Variants in UGGT2 observed in about 807,000 individuals in gnomAD.
UGGT2 encodes UDP-glucose glycoprotein glucosyltransferase 2, also known as UDP-glucose:glycoprotein glucosyltransferase 2.
A neutral mutation model predicts 192.1 loss-of-function variants in UGGT2; 180 were observed. That is an observed-to-expected ratio of 0.94 (90% CI 0.83 to 1.06). The LOEUF is 1.06. Ranked by LOEUF, UGGT2 falls within the 50% of genes least tolerant of loss-of-function variation. The pLI, the probability that UGGT2 is intolerant of heterozygous loss-of-function variation, is 0.00. For missense variants in UGGT2, 1,849 were observed against 1,795.7 expected (o/e 1.03, Z -0.54); for synonymous variants, 580 against 591.0 (o/e 0.98, Z 0.27).
intron 1 of UGGT2, among the ~76,000 whole-genome samples, chr13:96,052,172 C>A (rs978847091): frequency 3.2e-4 from 48 of 152,254 alleles, no homozygotes; most frequent in African/African-American, 1.1e-3. Context: ...TCACAGCAAC[C>A]TGGATGAGAT....
At chr13:95,933,078 T>A (rs1479491778) in intron 17 of UGGT2, among the ~76,000 whole-genome samples, 1 of 152,216 alleles carries the variant, frequency 6.6e-6, no homozygotes, top group Non-Finnish European at 1.5e-5. Flanking sequence ...GGTATCAGGA[T>A]AACACAGGTT....
intron 26 of UGGT2, among the ~76,000 whole-genome samples, chr13:95,885,082 T>G (rs1024801079): frequency 6.6e-6 from 1 of 152,166 alleles, no homozygotes; most frequent in Non-Finnish European, 1.5e-5. Flanking sequence ...AGAGAAATGG[T>G]AGGAAACAAA....
At chr13:95,963,303 T>A (rs2050461710) in intron 12 of UGGT2, among the ~76,000 whole-genome samples, 1 of 151,896 alleles carries the variant, frequency 6.6e-6, no homozygotes, top group South Asian at 2.1e-4. Context: ...AAAAAAACCA[T>A]ATCCTCTTAA....
intron 36 of UGGT2, among the ~76,000 whole-genome samples, chr13:95,838,004 G>T (rs1445111912): frequency 6.6e-6 from 1 of 152,050 alleles, no homozygotes; most frequent in East Asian, 1.9e-4. Context: ...AGATTGGGAA[G>T]GGAAAAAAAC....
chr13:95,805,630 CA>C (rs1884265623), intron 38 of UGGT2, among the ~76,000 whole-genome samples: 1 of 152,096 alleles, frequency 6.6e-6, no homozygotes, highest in South Asian at 2.1e-4. Flanking sequence ...TCACATGTTA[CA>C]ACATGAATAA....
At chr13:95,862,988 G>A (rs1295661529) in intron 31 of UGGT2, among the ~76,000 whole-genome samples, 1 of 151,960 alleles carries the variant, frequency 6.6e-6, no homozygotes. Context: ...TCAGTCTTCT[G>A]AGTAACTGGA....
chr13:95,930,165 A>G (rs1006667473), intron 17 of UGGT2, among the ~76,000 whole-genome samples: 1 of 151,984 alleles, frequency 6.6e-6, no homozygotes, highest in East Asian at 1.9e-4. Flanking sequence ...CTACTTATGG[A>G]TATTAGAATT....
At chr13:95,887,870 A>G in intron 26 of UGGT2, 22 bp downstream of exon 26, 1 of 1,474,786 alleles carries the variant, frequency 6.8e-7, no homozygotes, top group Non-Finnish European at 9.3e-7. Flanking sequence ...TTCAAAATGA[A>G]ATTTTGTTCA....
chr13:96,001,758 T>C (rs1043123567), intron 5 of UGGT2, among the ~76,000 whole-genome samples: 1 of 152,204 alleles, frequency 6.6e-6, no homozygotes, highest in Admixed American at 6.5e-5. Flanking sequence ...TATAGACAGT[T>C]ACTTATAGAT....
intron 5 of UGGT2, among the ~76,000 whole-genome samples, chr13:96,002,345 A>G (rs1408449710): frequency 6.6e-6 from 1 of 152,266 alleles, no homozygotes; most frequent in Non-Finnish European, 1.5e-5. Context: ...CTCTAGACCC[A>G]TGACTCTCTG....
rs552786879 is a variant in UGGT2, at chr13:95,950,135, T to C, written c.1336-681A>G. ...AAAGTGCTGAGATTTGAGGGCAGGATGCAGGGTGAGAGGGTAGGAGAGAAG... is the reference window on the plus strand; with the variant it reads ...AAAGTGCTGAGATTTGAGGGCAGGACGCAGGGTGAGAGGGTAGGAGAGAAG... On this transcript the variant is annotated intron_variant, in intron 12 of 38. Coordinates refer to ENST00000376747, the MANE Select transcript of UGGT2 (RefSeq NM_020121.4). Among the ~76,000 whole-genome samples the C allele has an allele frequency of 2.0e-5, 3 of 152,206 alleles. No homozygotes were observed. In the South Asian group the frequency reaches 6.2e-4, roughly 32 times the overall value.
rs1415828854 is a variant in UGGT2 at position 95,928,131 on chromosome 13, G to A, written c.1978-795C>T. Reference sequence around the variant, plus strand: ...CCCCACATTTCCCCCTTTTCTATTCGACAAAACCGCCATCGTCATCATGGC... The same window carrying A: ...CCCCACATTTCCCCCTTTTCTATTCAACAAAACCGCCATCGTCATCATGGC... On this transcript the variant is annotated intron_variant, in intron 17 of 38. Coordinates refer to ENST00000376747, the MANE Select transcript of UGGT2 (RefSeq NM_020121.4). Among the ~76,000 whole-genome samples the A allele has an allele frequency of 3.3e-5, 5 of 151,944 alleles. No homozygotes were observed. In the South Asian group the frequency reaches 6.2e-4, roughly 19 times the overall value.
intron 33 of UGGT2, among the ~76,000 whole-genome samples, chr13:95,857,847 C>A (rs578202337): frequency 1.3e-5 from 2 of 152,080 alleles, no homozygotes; most frequent in Admixed American, 6.6e-5. Context: ...TGAATAATAT[C>A]TTTTCCTGCT....
chr13:95,821,528 T>C (rs146474161), intron 38 of UGGT2, among the ~76,000 whole-genome samples: 32 of 152,260 alleles, frequency 2.1e-4, no homozygotes, highest in African/African-American at 7.2e-4. Context: ...ATTCTGTGGG[T>C]TGTAGGTTTA....
At chr13:95,847,429 T>G (rs1435195036) in intron 36 of UGGT2, among the ~76,000 whole-genome samples, 1 of 152,192 alleles carries the variant, frequency 6.6e-6, no homozygotes, top group East Asian at 1.9e-4. Context: ...GCCTAAAAAT[T>G]CTCTGTGCTC....
At chr13:95,927,809 G>GCCGCCTT (rs1466219807) in intron 17 of UGGT2, among the ~76,000 whole-genome samples, 1 of 152,132 alleles carries the variant, frequency 6.6e-6, no homozygotes, top group East Asian at 1.9e-4. Flanking sequence ...AGAGGGCCCT[G>GCCGCCTT]CCGCCTTCCG....
At chr13:95,914,072 G>A (rs1349921012) in intron 20 of UGGT2, among the ~76,000 whole-genome samples, 1 of 152,072 alleles carries the variant, frequency 6.6e-6, no homozygotes, top group Admixed American at 6.6e-5. Context: ...ACAGGGAAGG[G>A]AACATCACCC....
Position 95,854,433 on chromosome 13 carries a change from C to T in UGGT2, c.4051G>A (p.Asp1351Asn), listed in dbSNP as rs752594760. 8 of 1,611,946 alleles carry T rather than the reference C, an allele frequency of 5.0e-6. No homozygotes were observed. The highest frequency in any genetic ancestry group is 5.9e-6 in the Non-Finnish European group (7 of 1,179,276). ...GGAGTATACCCATAAGGAGCTCCAT[C>T]CAGATCGAAATCTCGAAGTTCTTTT... ...DLKELRDFDL[D>N]GAPYGYTPFC... The change falls in exon 35 of 39, where the codon GAT becomes AAT. Residue 1351 changes from aspartate (D) to asparagine (N), a missense_variant. By Grantham distance (23) the Asp-to-Asn change is conservative. Coordinates refer to ENST00000376747, the MANE Select transcript of UGGT2 (RefSeq NM_020121.4).
At chr13:95,918,033 T>C (rs759784899) in intron 20 of UGGT2, among the ~76,000 whole-genome samples, 2 of 152,162 alleles carry the variant, frequency 1.3e-5, no homozygotes, top group Non-Finnish European at 2.9e-5. Flanking sequence ...CTGGATCAAG[T>C]GGACTTGATA....
Sources: allele counts gnomAD v4.1 joint callset (sites outside exome capture counted in the v4.1 genomes callset), GRCh38; gene constraint gnomAD v4.1.1; transcripts MANE v1.5; gene names NCBI Gene and HGNC (gene_info 2026-07-23, HGNC 2026-07-21).